The following EYS variants were observed in gnomAD, a reference collection of about 807,000 sequenced individuals.
EYS encodes EGF-like photoreceptor maintenance factor.
Under a neutral mutation model 282.1 loss-of-function variants are expected in EYS, and 250 were observed. The ratio of observed to expected loss-of-function variants is 0.89; its 90% CI spans 0.80 to 0.98. The LOEUF (loss-of-function observed/expected upper bound fraction) is 0.98. Among genes scored for constraint, EYS ranks in the 50% least tolerant of loss-of-function variants. The pLI, the probability that EYS is intolerant of heterozygous loss-of-function variation, is 0.00. For synonymous variants in EYS, 1,355 were observed against 1,282.9 expected (o/e 1.06, Z -1.20); for missense variants, 4,016 against 3,709.0 (o/e 1.08, Z -2.15).
intron 31 of EYS, among the ~76,000 whole-genome samples, chr6:64,227,267 C>T (rs1432106250): frequency 3.3e-5 from 5 of 151,864 alleles, no homozygotes; most frequent in Non-Finnish European, 2.9e-5. Flanking sequence ...ATTATGATAT[C>T]TTCTTCATTA....
intron 31 of EYS, among the ~76,000 whole-genome samples, chr6:64,098,967 C>A (rs7738806): frequency 6.6e-6 from 1 of 152,104 alleles, no homozygotes; most frequent in Non-Finnish European, 1.5e-5. Flanking sequence ...TTCTTTATAT[C>A]TTTATGCAAG....
intron 30 of EYS, among the ~76,000 whole-genome samples, chr6:64,236,036 A>T (rs1193403000): frequency 6.6e-6 from 1 of 152,204 alleles, no homozygotes; most frequent in Non-Finnish European, 1.5e-5. Flanking sequence ...AGAATTTTAG[A>T]CCAATATCCT....
chr6:65,077,468 TA>T (rs1281807581), intron 12 of EYS, among the ~76,000 whole-genome samples: 45 of 152,238 alleles, frequency 3.0e-4, no homozygotes, highest in Middle Eastern at 3.4e-3. Context: ...AATTGCATGG[TA>T]TTAAGAGAAA....
intron 2 of EYS, among the ~76,000 whole-genome samples, chr6:65,635,293 A>G (rs1156470489): frequency 6.6e-6 from 1 of 152,172 alleles, no homozygotes; most frequent in Non-Finnish European, 1.5e-5. Context: ...CAACACCTTA[A>G]GAGTAAGGTG....
chr6:64,537,106 A>T (rs1453175070), intron 26 of EYS, among the ~76,000 whole-genome samples: 1 of 149,828 alleles, frequency 6.7e-6, no homozygotes, highest in Non-Finnish European at 1.5e-5. Flanking sequence ...CGCTGCACCC[A>T]CTAACTCGTC....
intron 26 of EYS, among the ~76,000 whole-genome samples, chr6:64,503,390 AAGGTTACTTATTCTT>A (rs1777113030): frequency 6.6e-6 from 1 of 152,180 alleles, no homozygotes; most frequent in African/African-American, 2.4e-5. Flanking sequence ...ATCTGAATCA[AAGGTTACTTATTCTT>A]AGGTAAATGT....
At chr6:64,449,767 G>A (rs1451946541) in intron 26 of EYS, among the ~76,000 whole-genome samples, 2 of 152,184 alleles carry the variant, frequency 1.3e-5, no homozygotes, top group African/African-American at 4.8e-5. Flanking sequence ...AGCTTCATAA[G>A]TGAAGGAGAA....
At chr6:64,609,402 G>C (rs1452341480) in intron 24 of EYS, among the ~76,000 whole-genome samples, 1 of 152,064 alleles carries the variant, frequency 6.6e-6, no homozygotes, top group Admixed American at 6.6e-5. Context: ...AATTTTGAAG[G>C]GAATATTTGA....
rs10155725 is a variant in EYS, at chr6:64,744,761, G to A, written c.3443+68617C>T. On this transcript the variant is annotated intron_variant, in intron 22 of 42. Coordinates refer to ENST00000503581, the MANE Select transcript of EYS (RefSeq NM_001142800.2). ...ATATGATTGAGAAATTTTTATCTCA[G>A]GTACATTTATTTTAAATTTAAAAAG... Among the ~76,000 whole-genome samples, 180 of 151,922 alleles carry A rather than the reference G, an allele frequency of 1.2e-3. 1 individual carries two copies. Among genetic ancestry groups the A allele is most frequent in the African/African-American group, 3.9e-3 (163 of 41,464 alleles).
chr6:64,837,192 T>C (rs1447339684), intron 19 of EYS, among the ~76,000 whole-genome samples: 2 of 116,456 alleles, frequency 1.7e-5, no homozygotes, highest in Non-Finnish European at 3.9e-5. Flanking sequence ...TTCCATTTTT[T>C]ATCTTGTACA....
At chr6:65,568,511 T>C (rs1001098913) in intron 2 of EYS, among the ~76,000 whole-genome samples, 1 of 152,134 alleles carries the variant, frequency 6.6e-6, no homozygotes, top group African/African-American at 2.4e-5. Context: ...CACTAGCTAT[T>C]TAAACAATTA....
At chr6:63,866,838 A>G (rs918664134) in intron 35 of EYS, among the ~76,000 whole-genome samples, 3 of 152,210 alleles carry the variant, frequency 2.0e-5, no homozygotes, top group South Asian at 2.1e-4. Context: ...GCTTTACTCA[A>G]TTGAGATGTT....
intron 33 of EYS, among the ~76,000 whole-genome samples, chr6:64,046,390 C>T (rs1229594717): frequency 1.3e-5 from 2 of 151,892 alleles, no homozygotes; most frequent in African/African-American, 2.4e-5. Flanking sequence ...ACCATCTGTC[C>T]ATCTATTTGG....
intron 19 of EYS, among the ~76,000 whole-genome samples, chr6:64,842,847 C>A (rs1036202587): frequency 3.9e-5 from 6 of 152,026 alleles, no homozygotes; most frequent in Non-Finnish European, 7.4e-5. Context: ...GGAAACAGTG[C>A]ATAAAAGTTC....
chr6:64,533,114 T>C (rs2149794542), intron 26 of EYS, among the ~76,000 whole-genome samples: 1 of 152,260 alleles, frequency 6.6e-6, no homozygotes, highest in Middle Eastern at 3.4e-3. Flanking sequence ...TTAAAAGCCA[T>C]GGAGAAGATA....
intron 39 of EYS, among the ~76,000 whole-genome samples, chr6:63,784,723 C>T (rs569962551): frequency 6.6e-6 from 1 of 151,880 alleles, no homozygotes; most frequent in Admixed American, 6.5e-5. Context: ...GGCCCCTCCT[C>T]CAGCACTGGA....
chr6:64,700,646 A>G (rs1770750773), intron 22 of EYS, among the ~76,000 whole-genome samples: 1 of 152,010 alleles, frequency 6.6e-6, no homozygotes, highest in African/African-American at 2.4e-5. Flanking sequence ...TATTAAAGTA[A>G]CTAGGAATAT....
At chr6:65,212,137 G>C (rs1766191470) in intron 12 of EYS, among the ~76,000 whole-genome samples, 1 of 151,914 alleles carries the variant, frequency 6.6e-6, no homozygotes, top group Non-Finnish European at 1.5e-5. Flanking sequence ...ACATAAGAAA[G>C]GCTGGAAATA....
At chr6:64,174,922 GT>G (rs201275172) in intron 31 of EYS, among the ~76,000 whole-genome samples, 2 of 151,714 alleles carry the variant, frequency 1.3e-5, no homozygotes, top group African/African-American at 4.8e-5. Context: ...GATTTCAAGA[GT>G]TTTTTTTCTA....
Sources: allele counts gnomAD v4.1 joint callset (sites outside exome capture counted in the v4.1 genomes callset), GRCh38; gene constraint gnomAD v4.1.1; transcripts MANE v1.5; gene names NCBI Gene and HGNC (gene_info 2026-07-23, HGNC 2026-07-21).